HDAC9: variants seen among roughly 807,000 people sequenced by gnomAD.
HDAC9 encodes the protein MEF-2 interacting transcription repressor (MITR) protein.
A neutral mutation model predicts 139.4 loss-of-function variants in HDAC9; 41 were observed. The ratio of observed to expected loss-of-function variants is 0.29; its 90% CI spans 0.23 to 0.38. The LOEUF (loss-of-function observed/expected upper bound fraction) is 0.38, where lower values mean the gene tolerates loss of function less well. HDAC9 is among the 10% of genes least tolerant of loss of function. The pLI, the probability that HDAC9 is intolerant of heterozygous loss-of-function variation, is 1.00. For synonymous variants in HDAC9, 517 were observed against 476.2 expected (o/e 1.09, Z -1.12); for missense variants, 1,147 against 1,297.0 (o/e 0.88, Z 1.78).
At chr7:18,906,128 CT>C (rs561688314) in intron 22 of HDAC9, among the ~76,000 whole-genome samples, 46 of 144,016 alleles carry the variant, frequency 3.2e-4, no homozygotes, top group Non-Finnish European at 2.9e-4. Context: ...TGTCTTTTTC[CT>C]TTTTTTTTTA....
intron 12 of HDAC9, among the ~76,000 whole-genome samples, chr7:18,719,250 T>C (rs1784940777): frequency 6.6e-6 from 1 of 151,970 alleles, no homozygotes; most frequent in Non-Finnish European, 1.5e-5. Context: ...TGGGTTACCT[T>C]TCCACTTACT....
intron 12 of HDAC9, among the ~76,000 whole-genome samples, chr7:18,682,225 G>C (rs1781937686): frequency 6.6e-6 from 1 of 151,872 alleles, no homozygotes; most frequent in Non-Finnish European, 1.5e-5. Flanking sequence ...TTGTTTAAGG[G>C]CAAGTAAACA....
At chr7:18,576,025 A>G (rs1225931719) in intron 2 of HDAC9, among the ~76,000 whole-genome samples, 4 of 152,254 alleles carry the variant, frequency 2.6e-5, no homozygotes, top group African/African-American at 7.2e-5. Context: ...AAAAACATCT[A>G]TATTAAATCA....
chr7:18,892,687 T>C (rs1800790959), intron 22 of HDAC9: 1 of 152,164 alleles, frequency 6.6e-6, no homozygotes, highest in South Asian at 2.1e-4. Context: ...GTATCTATTC[T>C]CTTATGATGC....
At chr7:18,577,241 C>T (rs1161180531) in intron 2 of HDAC9, among the ~76,000 whole-genome samples, 2 of 152,206 alleles carry the variant, frequency 1.3e-5, no homozygotes, top group African/African-American at 2.4e-5. Flanking sequence ...TGTGAAACAA[C>T]CAAGTCTCCT....
intron 1 of HDAC9, among the ~76,000 whole-genome samples, chr7:18,400,688 A>G (rs1787457652): frequency 2.6e-5 from 4 of 152,210 alleles, no homozygotes. Flanking sequence ...TGTGAGTCAA[A>G]TAGAGGAGGA....
chr7:18,272,711 A>G (rs938542793), intron 2 of HDAC9, among the ~76,000 whole-genome samples: 1 of 152,176 alleles, frequency 6.6e-6, no homozygotes, highest in Non-Finnish European at 1.5e-5. Flanking sequence ...TGGATAAGTC[A>G]ATGTTATAAA....
At chr7:18,261,495 A>G (rs1461899465) in intron 2 of HDAC9, among the ~76,000 whole-genome samples, 1 of 152,192 alleles carries the variant, frequency 6.6e-6, no homozygotes, top group Non-Finnish European at 1.5e-5. Context: ...GTATATTTAT[A>G]GGATAGTCAC....
chr7:18,095,280 T>C (rs1237478089), intron 1 of HDAC9, among the ~76,000 whole-genome samples: 1 of 152,182 alleles, frequency 6.6e-6, no homozygotes, highest in Non-Finnish European at 1.5e-5. Context: ...TTTAGGGTTA[T>C]GGCTATGTTT....
At chr7:18,213,048 A>G (rs1792059536) in intron 2 of HDAC9, among the ~76,000 whole-genome samples, 1 of 152,176 alleles carries the variant, frequency 6.6e-6, no homozygotes, top group African/African-American at 2.4e-5. Context: ...ACAGTAATAC[A>G]TTTTGCCAGT....
intron 6 of HDAC9, among the ~76,000 whole-genome samples, chr7:18,616,395 C>T (rs918027910): frequency 5.3e-5 from 8 of 152,024 alleles, no homozygotes; most frequent in African/African-American, 9.7e-5. Context: ...TGCCTTTATC[C>T]GGGCAGTCAT....
At chr7:18,501,239 C>G (rs1364585990) in intron 2 of HDAC9, among the ~76,000 whole-genome samples, 2 of 151,906 alleles carry the variant, frequency 1.3e-5, no homozygotes, top group East Asian at 1.9e-4. Context: ...GGGCAGAAAA[C>G]AGATATTATA....
chr7:18,980,746 C>G (rs972529895), intron 25 of HDAC9, among the ~76,000 whole-genome samples: 41 of 24,538 alleles, frequency 1.7e-3, no homozygotes, highest in African/African-American at 6.6e-3. Flanking sequence ...CTTCTTCTTC[C>G]TTCTTCTTCT....
chr7:18,967,768 T>G (rs1783971165), intron 24 of HDAC9, among the ~76,000 whole-genome samples: 2 of 152,038 alleles, frequency 1.3e-5, no homozygotes, highest in Non-Finnish European at 2.9e-5. Flanking sequence ...CCAATGAAAA[T>G]CTAAGCTACT....
chr7:18,363,954 G>C (rs535232565), intron 1 of HDAC9, among the ~76,000 whole-genome samples: 1 of 152,200 alleles, frequency 6.6e-6, no homozygotes, highest in Admixed American at 6.6e-5. Context: ...AAGATTTTCA[G>C]GTCCCAGAAT....
At chr7:18,603,604 T>G (rs554680645) in intron 6 of HDAC9, among the ~76,000 whole-genome samples, 71 of 152,212 alleles carry the variant, frequency 4.7e-4, no homozygotes, top group African/African-American at 1.5e-3. Context: ...CTTTTATTCT[T>G]TATATTGCTG....
chr7:18,779,749 C>A (rs1791084962), intron 16 of HDAC9, among the ~76,000 whole-genome samples: 1 of 151,934 alleles, frequency 6.6e-6, no homozygotes, highest in South Asian at 2.1e-4. Flanking sequence ...ACTGCACCAC[C>A]CTGTGGGGTC....
chr7:18,644,550 A>C (rs2129018660), intron 8 of HDAC9, 121 bp from the exon 9 acceptor site: 1 of 728,736 alleles, frequency 1.4e-6, no homozygotes, highest in East Asian at 3.2e-5. Context: ...TATAGAAGTC[A>C]TAAAATAAAT....
intron 2 of HDAC9, among the ~76,000 whole-genome samples, chr7:18,218,579 G>A (rs981171695): frequency 2.0e-5 from 3 of 152,048 alleles, no homozygotes; most frequent in African/African-American, 7.2e-5. Context: ...CAGAAGGTGC[G>A]GATCATTGGG....
Sources: allele counts gnomAD v4.1 joint callset (sites outside exome capture counted in the v4.1 genomes callset), GRCh38; gene constraint gnomAD v4.1.1; transcripts MANE v1.5; gene names NCBI Gene and HGNC (gene_info 2026-07-23, HGNC 2026-07-21).